ULK1: variants seen among roughly 807,000 people sequenced by gnomAD.
ULK1 encodes the protein serine/threonine-protein kinase ULK1.
A neutral mutation model predicts 117.5 loss-of-function variants in ULK1; 48 were observed. The ratio of observed to expected loss-of-function variants is 0.41; its 90% CI spans 0.32 to 0.52. The LOEUF (loss-of-function observed/expected upper bound fraction) is 0.52, where lower values mean the gene tolerates loss of function less well. Ranked by LOEUF, ULK1 falls within the 20% of genes least tolerant of loss-of-function variation. The pLI is 0.29. For synonymous variants in ULK1, 790 were observed against 637.8 expected, an observed-to-expected ratio of 1.24 and a Z score of -3.60; for missense variants, 1,387 against 1,473.4, an observed-to-expected ratio of 0.94 and a Z score of 0.96.
At chr12:131,899,106 G>A (rs919834515) in intron 3 of ULK1, among the ~76,000 whole-genome samples, 7 of 151,572 alleles carry the variant, frequency 4.6e-5, no homozygotes, top group East Asian at 1.9e-4. Flanking sequence ...CTTGAACGCC[G>A]GACCTCACCT....
chr12:131,904,252 C>T (rs1435425535), intron 3 of ULK1, among the ~76,000 whole-genome samples: 1 of 152,188 alleles, frequency 6.6e-6, no homozygotes, highest in African/African-American at 2.4e-5. Context: ...GGGCCTAAGC[C>T]ACCCTCCCAC....
chr12:131,916,879 G>A (rs920250520), intron 20 of ULK1, 74 bp from the exon 21 acceptor site: 83 of 1,359,316 alleles, frequency 6.1e-5, no homozygotes, highest in Non-Finnish European at 1.5e-5. Context: ...TGTCTGGCCT[G>A]CAGAGGGACC....
rs1428811682 is a variant in ULK1, at chr12:131,902,253, T to C, written c.247-4639T>C. ...GCCACAGCTGTGGCTTTTGCCACTT[T>C]CCGGAGCCAGCTCTGGAGGTGTGAA... is the stretch of plus-strand genomic sequence containing the variant. On this transcript the variant is annotated intron_variant, in intron 3 of 27. Transcript: ENST00000321867. This position sits in a 1 kb window ranked among gnomAD's most constrained non-coding sequence, Gnocchi z 6.3. Among the ~76,000 whole-genome samples, 1 of 152,166 alleles carries C rather than the reference T, an allele frequency of 6.6e-6. No individual in the cohort carries two copies. Among genetic ancestry groups the C allele is most frequent in the African/African-American group, 2.4e-5 (1 of 41,432 alleles).
chr12:131,907,386 T>C (rs2136388757), intron 4 of ULK1, 109 bp from the exon 5 acceptor site: 1 of 1,420,586 alleles, frequency 7.0e-7, no homozygotes, highest in South Asian at 1.3e-5. Context: ...GGCAGGTGCC[T>C]GCGGGCTCAG....
intron 3 of ULK1, among the ~76,000 whole-genome samples, chr12:131,900,025 G>A (rs1322668477): frequency 6.7e-6 from 1 of 150,102 alleles, no homozygotes; most frequent in Non-Finnish European, 1.5e-5. Context: ...GCTGAGGCAG[G>A]AGAATCGCTT....
chr12:131,919,429 G>T (rs766163789), intron 24 of ULK1, 43 bp from the exon 25 acceptor site: 2 of 1,588,048 alleles, frequency 1.3e-6, no homozygotes, highest in South Asian at 1.1e-5. Context: ...TGGCCTGGGG[G>T]CCAGGACCAA....
intron 4 of ULK1, 78 bp downstream of exon 4, chr12:131,907,002 G>C (rs1055001086): frequency 1.0e-5 from 16 of 1,588,792 alleles, no homozygotes; most frequent in Non-Finnish European, 1.4e-5. Flanking sequence ...GGACATGGCT[G>C]GGGGGAGGGT....
At position 131,915,353 on chromosome 12, in the gene ULK1, G is replaced by A. The variant is rs138479502; in HGVS notation, c.1541G>A (p.Arg514Gln). ...CCCCAAGTTGGAACCATCCCTGAGC[G>A]GCCAGGCTGGAGCGGGACGCCCTCC... ...PSPQVGTIPE[R>Q]PGWSGTPSPQ... Residue 514 changes from arginine (R) to glutamine (Q), a missense_variant, in exon 18 of 28, where the codon CGG becomes CAG. Arg to Gln is a conservative substitution (Grantham distance 43, BLOSUM62 1). Transcript: ENST00000321867. The A allele has an allele frequency of 2.9e-4, 473 of 1,612,818 alleles. No individual in the cohort carries two copies. The highest frequency in any genetic ancestry group is 8.3e-4 in the Middle Eastern group (5 of 6,060).
intron 3 of ULK1, among the ~76,000 whole-genome samples, chr12:131,900,971 G>A (rs1463695469): frequency 6.6e-6 from 1 of 152,226 alleles, no homozygotes; most frequent in Non-Finnish European, 1.5e-5. Flanking sequence ...CCAGCTCCTG[G>A]GCAGGGGCCT....
At position 131,921,867 on chromosome 12, in the gene ULK1, C is replaced by T. The variant is rs746471386; in HGVS notation, c.*506C>T. On this transcript the variant is annotated 3_prime_UTR_variant, in exon 28 of 28. Transcript: ENST00000321867. ...TATGCATATAGAGACAGAACCTGGA[C>T]CTCACCAGGGACTGCTGGGCAGCGA... 6.5e-6 allele frequency: 3 copies of T among 459,394 alleles called. No homozygotes were observed. The highest frequency in any genetic ancestry group is 4.0e-5 in the African/African-American group (2 of 50,198). 28.5% of individuals were successfully genotyped at this position (459,394 alleles called of 1,614,324 possible).
In ULK1 at chr12:131,919,283, A is replaced by G. The variant is rs147231723; in HGVS notation, c.2583A>G (p.Ala861=). Residue 861 remains alanine, a synonymous_variant, in exon 24 of 28, where the codon GCA becomes GCG. Transcript: ENST00000321867. ...TCGTGCAGCACGTCCTGGAGATCGC[A>G]GCCCTGAAGGGCAGCGCCAGTGAGG... The part of the protein sequence containing the change: ...LLFVQHVLEI[A]ALKGSASEAA... The G allele has an allele frequency of 8.8e-5, 141 of 1,598,288 alleles. No homozygotes were observed. The highest frequency in any genetic ancestry group is 1.1e-5 in the Non-Finnish European group (13 of 1,176,172).
chr12:131,908,151 G>A (rs914343806), intron 5 of ULK1, among the ~76,000 whole-genome samples: 1 of 152,160 alleles, frequency 6.6e-6, no homozygotes, highest in African/African-American at 2.4e-5. Context: ...ATAGCGCTGG[G>A]GCGGGAGTGC....
At chr12:131,906,297 G>A (rs1279613590) in intron 3 of ULK1, among the ~76,000 whole-genome samples, 1 of 152,152 alleles carries the variant, frequency 6.6e-6, no homozygotes, top group Non-Finnish European at 1.5e-5. Context: ...CACCATGTTG[G>A]TCAGGCTGGT....
rs1337158793 is a variant in ULK1, at chr12:131,922,555, GGCCT to G, written c.*1199_*1202del. On this transcript the variant is annotated 3_prime_UTR_variant, in exon 28 of 28. Transcript: ENST00000321867. ...AGGCCACGGAGGGCATCTGCAGAGA[GGCCT>G]GCCTTCCGGATTCCAGGCGGGCATG... is the stretch of plus-strand genomic sequence containing the variant. The G allele has an allele frequency of 6.5e-6, 1 of 154,614 alleles. No individual in the cohort carries two copies. The highest frequency in any genetic ancestry group is 1.4e-5 in the Non-Finnish European group (1 of 69,726). The allele number at this position is 154,614 out of a possible 1,614,324, so 9.6% of individuals were successfully genotyped here.
chr12:131,918,166 C>T (rs547356802), intron 22 of ULK1: 10 of 397,298 alleles, frequency 2.5e-5, no homozygotes, highest in East Asian at 1.9e-4. Context: ...CACCAAGCCA[C>T]GCACCTACCC....
chr12:131,914,458 A>G lies in ULK1; in HGVS notation c.1354A>G (p.Thr452Ala), dbSNP rs1487807259. Reference sequence around the variant, plus strand: ...CATTGAGCGAAACCTGCAGTCACCCACCCAGTTCCAAACACCTCGGTGAGT... The same window carrying G: ...CATTGAGCGAAACCTGCAGTCACCCGCCCAGTTCCAAACACCTCGGTGAGT... ...QRIERNLQSP[T>A]QFQTPRSSAI... Residue 452 changes from threonine (T) to alanine (A), a missense_variant, in exon 16 of 28, where the codon ACC (threonine) becomes GCC (alanine). Coordinates refer to ENST00000321867, the MANE Select transcript of ULK1 (RefSeq NM_003565.4). 6.2e-7 allele frequency: 1 copy of G among 1,612,584 alleles called. No individual in the cohort carries two copies. The highest frequency in any genetic ancestry group is 8.5e-7 in the Non-Finnish European group (1 of 1,179,886).
In ULK1 at chr12:131,921,458, C is replaced by G; in HGVS notation, c.*97C>G. The G allele has an allele frequency of 1.9e-6, 3 of 1,560,104 alleles. No individual in the cohort carries two copies. The highest frequency in any genetic ancestry group is 2.6e-6 in the Non-Finnish European group (3 of 1,148,482). ...CTCGGGACAAGCCCATGGCGCTGAT[C>G]GCTGGTGCTGAGCCCTGCCCTGGGC... On this transcript the variant is annotated 3_prime_UTR_variant, in exon 28 of 28. Coordinates refer to ENST00000321867, the MANE Select transcript of ULK1 (RefSeq NM_003565.4).
In ULK1 at chr12:131,915,207, C is replaced by A; in HGVS notation, c.1498C>A (p.Arg500=). The A allele has an allele frequency of 6.3e-7, 1 of 1,598,840 alleles. No homozygotes were observed. The highest frequency in any genetic ancestry group is 1.3e-5 in the African/African-American group (1 of 74,874). Residue 500 remains arginine (R), a synonymous_variant, in exon 17 of 28, where the codon CGG becomes AGG. Transcript: ENST00000321867. ...CAGGAAGATGTCTCTGGGTGGAGGC[C>A]GGCCCTACACGCCATCTCCTCAAGG... The part of the protein sequence containing the change: ...LARKMSLGGG[R]PYTPSPQVGT...
intron 26 of ULK1, chr12:131,920,668 C>A: frequency 5.0e-6 from 1 of 199,818 alleles, no homozygotes; most frequent in Non-Finnish European, 1.0e-5. Context: ...CCTCTTGCCT[C>A]AGCTTCCCAA....
Sources: gnomAD v4.1 joint callset for allele counts (sites outside exome capture counted in the v4.1 genomes callset) on GRCh38, gnomAD v4.1.1 for gene constraint, Gnocchi (gnomAD v3.1) non-coding constraint, MANE v1.5 for transcripts, NCBI Gene and HGNC (gene_info 2026-07-23, HGNC 2026-07-21) for gene names.